ITGA1: variants seen among roughly 807,000 people sequenced by gnomAD.
The protein encoded by ITGA1 is integrin alpha-1.
Under a neutral mutation model 145.9 loss-of-function variants are expected in ITGA1, and 85 were observed. That is an observed-to-expected ratio of 0.58 (90% CI 0.49 to 0.70). The LOEUF (loss-of-function observed/expected upper bound fraction) is 0.70. ITGA1 is among the 30% of genes least tolerant of loss of function. The pLI is 0.00. For synonymous variants in ITGA1, 520 were observed against 495.3 expected (o/e 1.05, Z -0.66); for missense variants, 1,351 against 1,418.7 (o/e 0.95, Z 0.77).
At chr5:52,851,141 G>A (rs565660092) in intron 2 of ITGA1, among the ~76,000 whole-genome samples, 1 of 152,172 alleles carries the variant, frequency 6.6e-6, no homozygotes, top group South Asian at 2.1e-4. Flanking sequence ...TCTCTTTTAA[G>A]GATGGTTAAA....
At position 52,829,827 on chromosome 5, in the gene ITGA1, A is replaced by G. The variant is rs61602737; in HGVS notation, c.62-19538A>G. Reference sequence around the variant, plus strand: ...GTTTTTTGTTTTTGTTTCTGTCCTTAAGTGATCAATAATATTGGTATTTGG... The same window carrying G: ...GTTTTTTGTTTTTGTTTCTGTCCTTGAGTGATCAATAATATTGGTATTTGG... On this transcript the variant is annotated intron_variant, in intron 1 of 28. Coordinates refer to ENST00000282588, the MANE Select transcript of ITGA1 (RefSeq NM_181501.2). 6.1e-3 allele frequency among the ~76,000 whole-genome samples: 932 copies of G among 152,230 alleles called. 7 individuals are homozygous for G. The highest frequency in any genetic ancestry group is 0.022 in the African/African-American group (894 of 41,532).
intron 2 of ITGA1, among the ~76,000 whole-genome samples, chr5:52,850,887 T>C (rs1322255824): frequency 1.3e-5 from 2 of 152,194 alleles, no homozygotes; most frequent in East Asian, 1.9e-4. Context: ...TTTATTCTTT[T>C]AGGAATTATA....
chr5:52,843,653 G>A (rs1290280969), intron 1 of ITGA1, among the ~76,000 whole-genome samples: 1 of 152,166 alleles, frequency 6.6e-6, no homozygotes, highest in Non-Finnish European at 1.5e-5. Context: ...AGAGCTACAA[G>A]ATGATTAAGA....
chr5:52,826,381 C>A (rs993490266), intron 1 of ITGA1, among the ~76,000 whole-genome samples: 1 of 152,204 alleles, frequency 6.6e-6, no homozygotes, highest in Non-Finnish European at 1.5e-5. Flanking sequence ...AGGAAATAAA[C>A]CATCTGCATA....
intron 15 of ITGA1, among the ~76,000 whole-genome samples, chr5:52,916,944 A>G (rs575173696): frequency 1.3e-5 from 2 of 152,164 alleles, no homozygotes; most frequent in Non-Finnish European, 2.9e-5. Context: ...CCTGCCCCAA[A>G]TCAAGGCATT....
chr5:52,883,891 A>C (rs1359635749), intron 7 of ITGA1, among the ~76,000 whole-genome samples: 2 of 152,192 alleles, frequency 1.3e-5, no homozygotes, highest in Non-Finnish European at 2.9e-5. Context: ...TCAATGTCTA[A>C]TCTTCCAATA....
rs778667052 is a variant in ITGA1 at position 52,937,428 on chromosome 5, C to T, written c.2992C>T (p.Pro998Ser). 2 of 1,612,526 alleles carry T rather than the reference C, an allele frequency of 1.2e-6. No individual in the cohort carries two copies. Among genetic ancestry groups the T allele is most frequent in the African/African-American group, 1.3e-5 (1 of 74,882 alleles). Residue 998 changes from proline (P) to serine (S), a missense_variant, in exon 24 of 29, where the codon CCA (proline) becomes TCA (serine). Transcript: ENST00000282588. ...LIRKSGSFPM[P>S]ELKLSISFPN... is the part of the protein sequence containing the mutation. ...TAGAAAAAGTGGATCTTTTCCAATG[C>T]CAGAGCTTAAGCTGTCAATTTCATT...
intron 1 of ITGA1, among the ~76,000 whole-genome samples, chr5:52,811,351 T>C (rs1748681228): frequency 6.6e-6 from 1 of 152,226 alleles, no homozygotes; most frequent in African/African-American, 2.4e-5. Flanking sequence ...CTTCATAATC[T>C]CTCTTGCAGA....
chr5:52,941,362 C>G (rs555880705), intron 26 of ITGA1, among the ~76,000 whole-genome samples: 5 of 152,342 alleles, frequency 3.3e-5, no homozygotes, highest in African/African-American at 9.6e-5. Flanking sequence ...CTGCTTTCCA[C>G]TGGCTGAACT....
chr5:52,849,894 G>T (rs532676011), intron 2 of ITGA1, among the ~76,000 whole-genome samples: 65 of 152,198 alleles, frequency 4.3e-4, no homozygotes, highest in African/African-American at 1.5e-3. Flanking sequence ...CGTGAGTTTG[G>T]TCTTTACTGA....
At chr5:52,886,708 T>G (rs1750055309) in intron 7 of ITGA1, among the ~76,000 whole-genome samples, 1 of 152,156 alleles carries the variant, frequency 6.6e-6, no homozygotes, top group African/African-American at 2.4e-5. Flanking sequence ...AAAACAAAAA[T>G]TTTCCATTTC....
chr5:52,934,912 C>T (rs1223162221), intron 23 of ITGA1, among the ~76,000 whole-genome samples: 1 of 151,524 alleles, frequency 6.6e-6, no homozygotes, highest in Non-Finnish European at 1.5e-5. Context: ...TGCTAATTTC[C>T]CTGGAAATTA....
intron 6 of ITGA1, among the ~76,000 whole-genome samples, chr5:52,878,525 C>T (rs1017339139): frequency 5.3e-5 from 8 of 152,164 alleles, no homozygotes; most frequent in African/African-American, 1.9e-4. Flanking sequence ...AGTATTAACA[C>T]ACATGTGGCA....
rs1751274280 is a variant in ITGA1, at chr5:52,954,480, G to C, written c.*2029G>C. ...AGGGCATTTTGAAGTTTTTAGAAAA[G>C]AGAGGAAGAGCTGTTGGCCAGATCA... On this transcript the variant is annotated 3_prime_UTR_variant, in exon 29 of 29. Transcript: ENST00000282588. 6.6e-6 allele frequency: 1 copy of C among 152,220 alleles called. No homozygotes were observed. The highest frequency in any genetic ancestry group is 2.4e-5 in the African/African-American group (1 of 41,458). 9.4% of individuals were successfully genotyped at this position (152,220 alleles called of 1,614,324 possible).
chr5:52,804,684 C>T (rs935344700), intron 1 of ITGA1, among the ~76,000 whole-genome samples: 3 of 152,106 alleles, frequency 2.0e-5, no homozygotes, highest in Non-Finnish European at 4.4e-5. Flanking sequence ...ATCTTTGTTC[C>T]TAAGCAACCA....
At chr5:52,800,624 A>C in intron 1 of ITGA1, 1 of 1,613,966 alleles carries the variant, frequency 6.2e-7, no homozygotes, top group Non-Finnish European at 8.5e-7. Flanking sequence ...TTCGACTCTC[A>C]AGCCTGCCAG....
At chr5:52,944,850 AATCTT>A (rs1751109757) in intron 26 of ITGA1, 88 bp from the exon 27 acceptor site, 2 of 840,722 alleles carry the variant, frequency 2.4e-6, no homozygotes, top group Non-Finnish European at 3.8e-6. Context: ...CTCTCAGAAA[AATCTT>A]AGCTTTTATA....
intron 1 of ITGA1, 78 bp from the exon 2 acceptor site, chr5:52,849,287 A>AAGGTT: frequency 7.9e-7 from 1 of 1,261,030 alleles, no homozygotes; most frequent in South Asian, 1.9e-5. Flanking sequence ...TGGTAACCTT[A>AAGGTT]ACCATGCCTT....
At chr5:52,930,234 C>T (rs940060312) in intron 21 of ITGA1, among the ~76,000 whole-genome samples, 16 of 152,236 alleles carry the variant, frequency 1.1e-4, no homozygotes, top group African/African-American at 3.4e-4. Flanking sequence ...ACTGACCTGT[C>T]TGCAGTGAGA....
Sources: gnomAD v4.1 joint callset for allele counts (sites outside exome capture counted in the v4.1 genomes callset) on GRCh38, gnomAD v4.1.1 for gene constraint, MANE v1.5 for transcripts, NCBI Gene and HGNC (gene_info 2026-07-23, HGNC 2026-07-21) for gene names.